Variants in NRP2 observed in about 807,000 individuals in gnomAD.
The protein encoded by NRP2 is neuropilin 2, also known as neuropilin-2.
In NRP2, 52 loss-of-function variants were observed where a neutral mutation model predicts 110.4. The ratio of observed to expected loss-of-function variants is 0.47; its 90% CI spans 0.38 to 0.59. The LOEUF is 0.59. Among genes scored for constraint, NRP2 ranks in the 20% least tolerant of loss-of-function variants. NRP2 has a pLI of 0.00. For synonymous variants in NRP2, 508 were observed against 468.9 expected (o/e 1.08, Z -1.08); for missense variants, 1,049 against 1,203.0 (o/e 0.87, Z 1.89).
intron 3 of NRP2, among the ~76,000 whole-genome samples, chr2:205,717,956 A>C (rs1464201531): frequency 2.0e-5 from 3 of 152,228 alleles, no homozygotes; most frequent in Non-Finnish European, 2.9e-5. Context: ...GGCAGAATGA[A>C]TAAGTGCAAA....
chr2:205,767,589 A>G, intron 15 of NRP2: 1 of 305,976 alleles, frequency 3.3e-6, no homozygotes, highest in African/African-American at 2.2e-5. Flanking sequence ...AAAAAAAAAA[A>G]AAGGCCTCCA....
At chr2:205,791,501 C>T (rs2058301278) in intron 15 of NRP2, among the ~76,000 whole-genome samples, 1 of 152,200 alleles carries the variant, frequency 6.6e-6, no homozygotes, top group African/African-American at 2.4e-5. Context: ...ATAGAGAGAC[C>T]TGTATTATCA....
chr2:205,784,497 G>A (rs925045376), intron 15 of NRP2, among the ~76,000 whole-genome samples: 1 of 152,160 alleles, frequency 6.6e-6, no homozygotes, highest in Admixed American at 6.5e-5. Flanking sequence ...ACCTAGATGG[G>A]GCCAACATGG....
chr2:205,710,680 A>G (rs12694032), intron 2 of NRP2, among the ~76,000 whole-genome samples: 62,554 of 152,174 alleles, frequency 0.41, 13,367 homozygotes, highest in Middle Eastern at 0.55. Context: ...TCTGCCTTGC[A>G]GCCTTTTTAG....
intron 3 of NRP2, among the ~76,000 whole-genome samples, chr2:205,719,127 G>T (rs2056961089): frequency 6.6e-6 from 1 of 152,166 alleles, no homozygotes; most frequent in Non-Finnish European, 1.5e-5. Flanking sequence ...TGAAAGAAAT[G>T]GGTGGACATG....
intron 12 of NRP2, among the ~76,000 whole-genome samples, chr2:205,760,222 C>T (rs898279674): frequency 2.0e-5 from 3 of 152,174 alleles, no homozygotes; most frequent in Non-Finnish European, 4.4e-5. Flanking sequence ...TGCTCTTCTT[C>T]TCCCTTCCTT....
intron 6 of NRP2, among the ~76,000 whole-genome samples, chr2:205,726,805 CT>C (rs1324419641): frequency 2.0e-5 from 3 of 152,156 alleles, no homozygotes; most frequent in Non-Finnish European, 4.4e-5. Flanking sequence ...ACTGACAAGC[CT>C]GTCCTAGCTC....
chr2:205,753,455 A>G (rs771649081), intron 12 of NRP2, among the ~76,000 whole-genome samples: 4 of 152,210 alleles, frequency 2.6e-5, no homozygotes, highest in Non-Finnish European at 4.4e-5. Context: ...TTGAGGGACC[A>G]AAATGCTGCC....
chr2:205,762,986 C>T (rs761691603), intron 12 of NRP2, among the ~76,000 whole-genome samples: 3 of 152,182 alleles, frequency 2.0e-5, no homozygotes, highest in Non-Finnish European at 4.4e-5. Flanking sequence ...ATCACTGGAG[C>T]CATATGTGCC....
intron 4 of NRP2, among the ~76,000 whole-genome samples, chr2:205,723,513 A>G (rs575574962): frequency 5.9e-5 from 9 of 152,356 alleles, no homozygotes; most frequent in South Asian, 4.1e-4. Context: ...CAGACATTGT[A>G]ATGATACCTT....
rs113361636 is a variant in NRP2 at position 205,763,242 on chromosome 2, CCA to C, written c.2045-430_2045-429del. ...AGTCACCCTCCAATCTAGCAGCCCC[CCA>C]CCCCCTATAATCTGTCCCCTTGTAA... On this transcript the variant is annotated intron_variant, in intron 12 of 16. Coordinates refer to ENST00000357785, the MANE Select transcript of NRP2 (RefSeq NM_003872.3). The surrounding 1 kb of genome is among the most constrained non-coding windows in gnomAD (Gnocchi z 4.0). Among the ~76,000 whole-genome samples, 2 of 152,056 alleles carry C rather than the reference CCA, an allele frequency of 1.3e-5. No homozygotes were observed. The highest frequency in any genetic ancestry group is 4.8e-5 in the African/African-American group (2 of 41,390).
At chr2:205,730,947 T>G (rs954777605) in intron 7 of NRP2, among the ~76,000 whole-genome samples, 6 of 152,244 alleles carry the variant, frequency 3.9e-5, no homozygotes, top group African/African-American at 1.4e-4. Context: ...TCTTGGTCTC[T>G]TCCCATCCAA....
Position 205,755,609 on chromosome 2 carries a change from G to GAA in NRP2, c.2044+2634_2044+2635insAA, listed in dbSNP as rs147544807. Among the ~76,000 whole-genome samples, 121 of 145,100 alleles carry GAA rather than the reference G, an allele frequency of 8.3e-4. 1 individual carries two copies. The highest frequency in any genetic ancestry group is 3.6e-3 in the Middle Eastern group (1 of 276). The stretch of plus-strand genomic sequence containing the variant: ...GGTGGTCCTTACTTCTTCTCCATAG[G>GAA]GAAAAAAAAAAAAGGAGGGGGAGGC... On this transcript the variant is annotated intron_variant, in intron 12 of 16. Transcript: ENST00000357785.
chr2:205,704,611 G>C, intron 2 of NRP2, among the ~76,000 whole-genome samples: 1 of 152,140 alleles, frequency 6.6e-6, no homozygotes, highest in East Asian at 1.9e-4. Flanking sequence ...CCATGGATCA[G>C]GGGGAAAAAC....
Position 205,722,550 on chromosome 2 carries a change from A to C in NRP2, c.506A>C (p.Tyr169Ser). 6.2e-7 allele frequency: 1 copy of C among 1,614,234 alleles called. No individual in the cohort carries two copies. Among genetic ancestry groups the C allele is most frequent in the Non-Finnish European group, 8.5e-7 (1 of 1,180,050 alleles). The change falls in exon 4 of 17, where the codon TAT becomes TCT. Residue 169 changes from tyrosine to serine, a missense_variant. Physicochemically the swap from Tyr to Ser is moderately radical, Grantham distance 144. Transcript: ENST00000357785. ...GAATCTCCTGGGTTTCCTGAGAAGT[A>C]TCCACACAACTTGGACTGCACCTTT... ...TIESPGFPEK[Y>S]PHNLDCTFTI...
intron 2 of NRP2, among the ~76,000 whole-genome samples, chr2:205,698,742 C>T (rs375150565): frequency 9.8e-5 from 15 of 152,334 alleles, no homozygotes; most frequent in African/African-American, 2.4e-4. Flanking sequence ...CCCAAATGAG[C>T]GCCTACGGAA....
At chr2:205,690,011 A>G (rs1346779672) in intron 1 of NRP2, among the ~76,000 whole-genome samples, 1 of 152,258 alleles carries the variant, frequency 6.6e-6, no homozygotes, top group Non-Finnish European at 1.5e-5. Context: ...AGCTCTCGGT[A>G]GCACAGAGTG....
At chr2:205,753,967 GT>G (rs1273894888) in intron 12 of NRP2, among the ~76,000 whole-genome samples, 1 of 152,088 alleles carries the variant, frequency 6.6e-6, no homozygotes, top group African/African-American at 2.4e-5. Flanking sequence ...TGTTACCTTT[GT>G]TTTTTAATAC....
At chr2:205,714,495 G>T (rs1244294650) in intron 2 of NRP2, among the ~76,000 whole-genome samples, 1 of 152,234 alleles carries the variant, frequency 6.6e-6, no homozygotes, top group African/African-American at 2.4e-5. Flanking sequence ...TAGCACGGAG[G>T]GGTTTTCTGG....
Sources: allele counts gnomAD v4.1 joint callset (sites outside exome capture counted in the v4.1 genomes callset), GRCh38; gene constraint gnomAD v4.1.1; non-coding constraint Gnocchi (gnomAD v3.1); transcripts MANE v1.5; gene names NCBI Gene and HGNC (gene_info 2026-07-23, HGNC 2026-07-21).